KCMF1: variants seen among roughly 807,000 people sequenced by gnomAD.
KCMF1 encodes the protein E3 ubiquitin-protein ligase KCMF1.
A neutral mutation model predicts 41.1 loss-of-function variants in KCMF1; 3 were observed. That is an observed-to-expected ratio of 0.07 (90% CI 0.03 to 0.19). KCMF1 has a LOEUF of 0.19. Ranked by LOEUF, KCMF1 falls within the 10% of genes least tolerant of loss-of-function variation. KCMF1 has a pLI of 1.00. For missense variants in KCMF1, 286 were observed against 488.9 expected (o/e 0.58, Z 3.91); for synonymous variants, 142 against 164.5 (o/e 0.86, Z 1.04).
At chr2:85,006,754 G>T (rs1674481376) in intron 1 of KCMF1, among the ~76,000 whole-genome samples, 1 of 151,912 alleles carries the variant, frequency 6.6e-6, no homozygotes, top group South Asian at 2.1e-4. Context: ...GTGTACAAAA[G>T]TATGTATCTA....
At chr2:84,983,295 A>G (rs1403961844) in intron 1 of KCMF1, among the ~76,000 whole-genome samples, 1 of 152,134 alleles carries the variant, frequency 6.6e-6, no homozygotes, top group African/African-American at 2.4e-5. Flanking sequence ...AGAATTGTTT[A>G]TGATATATTT....
At chr2:84,973,884 G>A (rs1400550762) in intron 1 of KCMF1, among the ~76,000 whole-genome samples, 1 of 137,874 alleles carries the variant, frequency 7.3e-6, no homozygotes, top group African/African-American at 2.8e-5. Context: ...TTGGAGTGCA[G>A]TGGCGTGATC....
chr2:85,009,317 A>G (rs996032642), intron 1 of KCMF1, among the ~76,000 whole-genome samples: 2 of 152,100 alleles, frequency 1.3e-5, no homozygotes, highest in African/African-American at 4.8e-5. Context: ...CCTCCCAGTC[A>G]TGCATCCTGT....
chr2:85,033,339 CTTTAAT>C (rs1162079149), intron 2 of KCMF1, among the ~76,000 whole-genome samples: 2 of 151,994 alleles, frequency 1.3e-5, no homozygotes, highest in African/African-American at 4.8e-5. Context: ...ACTGAATATA[CTTTAAT>C]TTTATTTTAT....
intron 1 of KCMF1, among the ~76,000 whole-genome samples, chr2:85,000,799 G>A (rs1674306894): frequency 7.7e-6 from 1 of 130,076 alleles, no homozygotes; most frequent in Non-Finnish European, 1.6e-5. Context: ...TTTTTTAAGA[G>A]TCAGGGTCTT....
rs1477993951 is a variant in KCMF1 at position 85,053,724 on chromosome 2, G to A, written c.*315G>A. 2 of 225,842 alleles carry A rather than the reference G, an allele frequency of 8.9e-6. No individual in the cohort carries two copies. Among genetic ancestry groups the A allele is most frequent in the Non-Finnish European group, 1.7e-5 (2 of 115,324 alleles). 14.0% of individuals were successfully genotyped at this position (225,842 alleles called of 1,614,324 possible). ...GAAATCTCTAATGAAGCTGCTGTGT[G>A]TATTTATGAATATTAATGAATAAAA... is the stretch of plus-strand genomic sequence containing the variant. On this transcript the variant is annotated 3_prime_UTR_variant, in exon 7 of 7. Coordinates refer to ENST00000409785, the MANE Select transcript of KCMF1 (RefSeq NM_020122.5).
intron 1 of KCMF1, among the ~76,000 whole-genome samples, chr2:85,026,027 G>T (rs1316976500): frequency 3.3e-5 from 5 of 152,006 alleles, no homozygotes; most frequent in African/African-American, 4.8e-5. Flanking sequence ...GTCTCACTCT[G>T]TCGCCTAGGC....
intron 1 of KCMF1, among the ~76,000 whole-genome samples, chr2:85,024,301 C>T (rs868746066): frequency 2.0e-5 from 3 of 152,078 alleles, no homozygotes; most frequent in Admixed American, 1.3e-4. Flanking sequence ...GGTGAAACCC[C>T]GTCTCTACTA....
At chr2:84,992,688 A>G (rs959689541) in intron 1 of KCMF1, among the ~76,000 whole-genome samples, 3 of 151,714 alleles carry the variant, frequency 2.0e-5, no homozygotes, top group Non-Finnish European at 2.9e-5. Flanking sequence ...GCTGGAGTGC[A>G]GTGGTGCCAT....
At chr2:84,980,312 C>T (rs1356384052) in intron 1 of KCMF1, among the ~76,000 whole-genome samples, 3 of 152,116 alleles carry the variant, frequency 2.0e-5, no homozygotes, top group African/African-American at 7.2e-5. Context: ...AGAGGAAAGA[C>T]AGGCAAGGTG....
At chr2:85,005,826 T>C (rs539108895) in intron 1 of KCMF1, among the ~76,000 whole-genome samples, 39 of 152,274 alleles carry the variant, frequency 2.6e-4, no homozygotes, top group African/African-American at 8.9e-4. Flanking sequence ...GATATTTCAG[T>C]AAATACATAT....
At chr2:85,001,314 T>C (rs1674323482) in intron 1 of KCMF1, among the ~76,000 whole-genome samples, 1 of 151,772 alleles carries the variant, frequency 6.6e-6, no homozygotes, top group African/African-American at 2.4e-5. Flanking sequence ...TATACCACCA[T>C]GCCCAGCTAA....
chr2:85,006,599 C>T (rs1203884318), intron 1 of KCMF1, among the ~76,000 whole-genome samples: 1 of 151,640 alleles, frequency 6.6e-6, no homozygotes, highest in Non-Finnish European at 1.5e-5. Context: ...GCGCCCGGCC[C>T]TCATTTTCTT....
chr2:84,978,010 T>C (rs1049146239), intron 1 of KCMF1, among the ~76,000 whole-genome samples: 1 of 152,034 alleles, frequency 6.6e-6, no homozygotes, highest in African/African-American at 2.4e-5. Flanking sequence ...AGCAATCTTT[T>C]TTTTTTTTTC....
intron 3 of KCMF1, among the ~76,000 whole-genome samples, chr2:85,041,971 AAG>A (rs1675548751): frequency 6.6e-6 from 1 of 152,136 alleles, no homozygotes; most frequent in South Asian, 2.1e-4. Flanking sequence ...ATCCCTAGTA[AAG>A]AGAGAGTGGA....
intron 1 of KCMF1, among the ~76,000 whole-genome samples, chr2:84,992,336 A>G (rs1181391217): frequency 6.6e-6 from 1 of 151,980 alleles, no homozygotes; most frequent in African/African-American, 2.4e-5. Flanking sequence ...GCTCACTGCA[A>G]CATCTGCCTG....
intron 1 of KCMF1, among the ~76,000 whole-genome samples, chr2:84,974,449 T>C (rs1264598454): frequency 6.6e-6 from 1 of 151,684 alleles, no homozygotes; most frequent in Non-Finnish European, 1.5e-5. Flanking sequence ...TGTGAAGCAG[T>C]GCCTCTGAGA....
intron 5 of KCMF1, among the ~76,000 whole-genome samples, chr2:85,049,079 G>A (rs186187115): frequency 1.3e-5 from 2 of 152,106 alleles, no homozygotes; most frequent in Non-Finnish European, 2.9e-5. Flanking sequence ...CTAAGAGAAA[G>A]CTTCACTAAA....
intron 5 of KCMF1, among the ~76,000 whole-genome samples, chr2:85,048,647 T>TTTCACTCA (rs1675728516): frequency 6.6e-6 from 1 of 152,176 alleles, no homozygotes; most frequent in Non-Finnish European, 1.5e-5. Flanking sequence ...GGGACAAAAG[T>TTTCACTCA]TTACACCTCT....
Sources: allele counts gnomAD v4.1 joint callset (sites outside exome capture counted in the v4.1 genomes callset), GRCh38; gene constraint gnomAD v4.1.1; transcripts MANE v1.5; gene names NCBI Gene and HGNC (gene_info 2026-07-23, HGNC 2026-07-21).